Variants in IQCM observed in about 807,000 individuals in gnomAD.
IQCM encodes the protein IQ domain-containing protein M.
IQCM carries 45 observed loss-of-function variants against 57.6 expected under a neutral mutation model. The observed-to-expected ratio is 0.78, with a 90% CI of 0.62 to 1.00. The LOEUF is 1.00. IQCM is among the 50% of genes least tolerant of loss of function. IQCM has a pLI of 0.00. For synonymous variants in IQCM, 148 were observed against 158.9 expected (o/e 0.93, Z 0.51); for missense variants, 468 against 511.6 (o/e 0.91, Z 0.82).
chr4:149,592,691 C>A (rs1753320792), intron 8 of IQCM, among the ~76,000 whole-genome samples: 1 of 151,730 alleles, frequency 6.6e-6, no homozygotes, highest in Non-Finnish European at 1.5e-5. Flanking sequence ...CCAGTTTTCC[C>A]AGCACCATTT....
intron 12 of IQCM, among the ~76,000 whole-genome samples, chr4:149,441,890 G>A (rs188643972): frequency 6.6e-6 from 1 of 152,208 alleles, no homozygotes; most frequent in Non-Finnish European, 1.5e-5. Context: ...CAGCCCTCAT[G>A]GGTGGGATTA....
chr4:149,547,779 A>G (rs1442980337), intron 12 of IQCM, among the ~76,000 whole-genome samples: 2 of 152,186 alleles, frequency 1.3e-5, no homozygotes, highest in African/African-American at 4.8e-5. Context: ...CTTTAATATA[A>G]ACCATTTTAA....
At chr4:149,661,375 A>C (rs552473058) in intron 7 of IQCM, among the ~76,000 whole-genome samples, 1 of 152,188 alleles carries the variant, frequency 6.6e-6, no homozygotes, top group East Asian at 1.9e-4. Flanking sequence ...ATTGTTGAGA[A>C]TGTTTGCATC....
intron 12 of IQCM, among the ~76,000 whole-genome samples, chr4:149,513,020 A>G (rs576086507): frequency 1.3e-5 from 2 of 152,346 alleles, no homozygotes; most frequent in African/African-American, 4.8e-5. Flanking sequence ...GGCCTAATGC[A>G]GACTAGTGAA....
intron 12 of IQCM, among the ~76,000 whole-genome samples, chr4:149,452,848 A>G (rs1466434726): frequency 1.3e-5 from 2 of 151,562 alleles, no homozygotes; most frequent in South Asian, 2.1e-4. Context: ...ATTCTCTAGC[A>G]AAGTTTAATT....
At chr4:149,776,666 T>C (rs571620640) in intron 2 of IQCM, among the ~76,000 whole-genome samples, 23 of 152,290 alleles carry the variant, frequency 1.5e-4, no homozygotes, top group Middle Eastern at 6.8e-3. Context: ...ACATTTTATA[T>C]GATGTAAAGA....
chr4:149,576,874 C>T (rs1006027324), intron 9 of IQCM, among the ~76,000 whole-genome samples: 1 of 151,868 alleles, frequency 6.6e-6, no homozygotes. Flanking sequence ...TAAGTGCTCC[C>T]TTTTCTCCAC....
chr4:149,700,014 G>C (rs1019278316), intron 5 of IQCM, among the ~76,000 whole-genome samples: 2 of 151,684 alleles, frequency 1.3e-5, no homozygotes, highest in South Asian at 4.2e-4. Context: ...CCTTTTTTGT[G>C]GTACTAACTG....
chr4:149,801,314 T>C (rs1046513900), intron 2 of IQCM, among the ~76,000 whole-genome samples: 1 of 151,872 alleles, frequency 6.6e-6, no homozygotes, highest in Non-Finnish European at 1.5e-5. Flanking sequence ...GTACAACCAC[T>C]AAGGAGAACA....
intron 12 of IQCM, among the ~76,000 whole-genome samples, chr4:149,440,959 G>T (rs533258989): frequency 3.9e-5 from 6 of 151,946 alleles, no homozygotes; most frequent in African/African-American, 1.2e-4. Flanking sequence ...ATTTATAAAT[G>T]GAATAATTTA....
chr4:149,532,276 A>G (rs1026607723), intron 12 of IQCM, among the ~76,000 whole-genome samples: 5 of 152,178 alleles, frequency 3.3e-5, no homozygotes, highest in African/African-American at 1.2e-4. Context: ...TACAAAGGCA[A>G]TGCTGGTATG....
At chr4:149,587,134 A>T (rs1752717243) in intron 9 of IQCM, among the ~76,000 whole-genome samples, 1 of 151,606 alleles carries the variant, frequency 6.6e-6, no homozygotes, top group Non-Finnish European at 1.5e-5. Context: ...TCACACCATT[A>T]ACACTGAGGT....
intron 12 of IQCM, among the ~76,000 whole-genome samples, chr4:149,547,705 T>C (rs1748597958): frequency 6.6e-6 from 1 of 152,218 alleles, no homozygotes; most frequent in African/African-American, 2.4e-5. Flanking sequence ...GATGGATATA[T>C]TGATTAATTT....
chr4:149,384,210 A>T (rs1731263483), intron 13 of IQCM, among the ~76,000 whole-genome samples: 1 of 152,152 alleles, frequency 6.6e-6, no homozygotes, highest in South Asian at 2.1e-4. Flanking sequence ...GAAAGGGATC[A>T]GAAGAGGCCA....
At chr4:149,707,134 A>C (rs1192122581) in intron 5 of IQCM, among the ~76,000 whole-genome samples, 1 of 152,010 alleles carries the variant, frequency 6.6e-6, no homozygotes, top group African/African-American at 2.4e-5. Context: ...TCACTAAAAC[A>C]TGGAGCCAAC....
chr4:149,415,761 C>T (rs1260746568), intron 13 of IQCM, among the ~76,000 whole-genome samples: 1 of 152,018 alleles, frequency 6.6e-6, no homozygotes, highest in Admixed American at 6.6e-5. Flanking sequence ...TTTTCATAAA[C>T]TCATCTATTC....
At chr4:149,395,769 T>A (rs1342200292) in intron 13 of IQCM, among the ~76,000 whole-genome samples, 1 of 152,050 alleles carries the variant, frequency 6.6e-6, no homozygotes, top group African/African-American at 2.4e-5. Flanking sequence ...TTATAATTAG[T>A]ATTAAGACCT....
At chr4:149,664,010 T>A (rs535314526) in intron 7 of IQCM, among the ~76,000 whole-genome samples, 1 of 152,098 alleles carries the variant, frequency 6.6e-6, no homozygotes, top group Non-Finnish European at 1.5e-5. Flanking sequence ...TTCTTCATTG[T>A]TTGATTCTTT....
intron 12 of IQCM, among the ~76,000 whole-genome samples, chr4:149,530,430 T>C (rs1579383263): frequency 6.6e-6 from 1 of 152,120 alleles, no homozygotes; most frequent in African/African-American, 2.4e-5. Flanking sequence ...GAGAAAACTC[T>C]ATGTATCTAT....
Sources: gnomAD v4.1 joint callset for allele counts (sites outside exome capture counted in the v4.1 genomes callset) on GRCh38, gnomAD v4.1.1 for gene constraint, MANE v1.5 for transcripts, NCBI Gene and HGNC (gene_info 2026-07-23, HGNC 2026-07-21) for gene names.